The following TUSC3 variants were observed in gnomAD, a reference collection of about 807,000 sequenced individuals.
TUSC3 encodes the protein dolichyl-diphosphooligosaccharide--protein glycosyltransferase subunit TUSC3.
In TUSC3, 45 loss-of-function variants were observed where a neutral mutation model predicts 44.8. The ratio of observed to expected loss-of-function variants is 1.00; its 90% CI spans 0.79 to 1.29. The LOEUF (loss-of-function observed/expected upper bound fraction) is 1.29, where lower values mean the gene tolerates loss of function less well. Ranked by LOEUF, TUSC3 falls within the 50% of genes most tolerant of loss-of-function variation. The pLI, the probability that TUSC3 is intolerant of heterozygous loss-of-function variation, is 0.00. For synonymous variants in TUSC3, 212 were observed against 152.9 expected, an observed-to-expected ratio of 1.39 and a Z score of -2.85; for missense variants, 519 against 437.9, an observed-to-expected ratio of 1.19 and a Z score of -1.65.
At chr8:15,503,653 A>G (rs1002422488) in intron 2 of TUSC3, among the ~76,000 whole-genome samples, 6 of 152,070 alleles carry the variant, frequency 3.9e-5, no homozygotes, top group African/African-American at 1.4e-4. Flanking sequence ...GCAGTAAGCT[A>G]CGTTCGTACC....
rs2129157519 is a variant in TUSC3 at position 15,607,928 on chromosome 8, C to G, written c.139-15152C>G. On this transcript the variant is annotated intron_variant, in intron 1 of 10. Transcript: ENST00000503731. ...CTAGTTATGGAACGTAATGAAGTGT[C>G]ATATCTTGAATGCCCATATAATTTA... 2.0e-5 allele frequency among the ~76,000 whole-genome samples: 3 copies of G among 152,196 alleles called. 1 individual carries two copies. In the Middle Eastern group the frequency reaches 0.01, roughly 518 times the overall value.
At chr8:15,540,153 G>A (rs1199936664), upstream of TUSC3, 5 of 406,252 alleles carry the variant, frequency 1.2e-5, no homozygotes, top group African/African-American at 2.1e-5. Context: ...GGCAAGCTCC[G>A]GGCGGGAGCG....
Position 15,550,905 on chromosome 8 carries a change from C to T in TUSC3, c.138+10337C>T, listed in dbSNP as rs547049186. On this transcript the variant is annotated intron_variant, in intron 1 of 10. Coordinates refer to ENST00000503731, the MANE Select transcript of TUSC3 (RefSeq NM_006765.4). ...CATGCTGGCCTTAAATTCCTAACCT[C>T]GGGTGATCTGCCCGCCTCGGCCTCC... Among the ~76,000 whole-genome samples, 18 of 151,790 alleles carry T rather than the reference C, an allele frequency of 1.2e-4. 2 individuals are homozygous for T. In the South Asian group the frequency reaches 2.9e-3, roughly 25 times the overall value.
chr8:15,500,859 C>T (rs1170408206), intron 2 of TUSC3, among the ~76,000 whole-genome samples: 2 of 152,154 alleles, frequency 1.3e-5, no homozygotes. Flanking sequence ...AGTTTTCTTT[C>T]TTTCAACTGG....
intron 1 of TUSC3, among the ~76,000 whole-genome samples, chr8:15,541,307 GTAAGTTC>G (rs1355841997): frequency 6.6e-6 from 1 of 152,228 alleles, no homozygotes; most frequent in Non-Finnish European, 1.5e-5. Context: ...TGGAGTGTTT[GTAAGTTC>G]TAATTATCCA....
intron 6 of TUSC3, among the ~76,000 whole-genome samples, chr8:15,696,576 G>A (rs770821289): frequency 6.6e-6 from 1 of 152,128 alleles, no homozygotes; most frequent in Non-Finnish European, 1.5e-5. Context: ...ACCCCAGAAT[G>A]GTAGATACAG....
At chr8:15,851,365 G>A in the TUSC3 span, among the ~76,000 whole-genome samples, 1 of 152,076 alleles carries the variant, frequency 6.6e-6, no homozygotes, top group African/African-American at 2.4e-5. Flanking sequence ...TGTACAATAG[G>A]TAATTATTTT....
chr8:15,851,229 TAAC>T, the TUSC3 span, among the ~76,000 whole-genome samples: 33 of 152,164 alleles, frequency 2.2e-4, no homozygotes, highest in African/African-American at 6.7e-4. Context: ...GTGAAAATAA[TAAC>T]AATAATTTAT....
At chr8:15,739,833 T>G (rs1478345112) in intron 7 of TUSC3, among the ~76,000 whole-genome samples, 1 of 152,202 alleles carries the variant, frequency 6.6e-6, no homozygotes, top group Admixed American at 6.5e-5. Flanking sequence ...CTTCATTACT[T>G]TTGTGCTTTT....
chr8:15,606,286 C>G (rs552003574), intron 1 of TUSC3, among the ~76,000 whole-genome samples: 34 of 152,008 alleles, frequency 2.2e-4, no homozygotes, highest in African/African-American at 7.7e-4. Context: ...TGTATTTTGT[C>G]CTATGATTTC....
chr8:15,732,264 G>A (rs913562708), intron 7 of TUSC3, among the ~76,000 whole-genome samples: 1 of 152,132 alleles, frequency 6.6e-6, no homozygotes, highest in African/African-American at 2.4e-5. Flanking sequence ...GTCATGGGAG[G>A]GATCCAGTGG....
chr8:15,562,620 C>T (rs1227546753), intron 1 of TUSC3, among the ~76,000 whole-genome samples: 1 of 152,068 alleles, frequency 6.6e-6, no homozygotes, highest in Non-Finnish European at 1.5e-5. Context: ...TTTTCTGAAT[C>T]TCTGGGTCCT....
chr8:15,792,616 TTTTG>T, the TUSC3 span, among the ~76,000 whole-genome samples: 6 of 152,096 alleles, frequency 3.9e-5, no homozygotes, highest in Admixed American at 6.5e-5. Flanking sequence ...CTTTTCGTTT[TTTTG>T]TTTGTTTCTT....
intron 2 of TUSC3, among the ~76,000 whole-genome samples, chr8:15,522,105 C>G (rs890253769): frequency 4.6e-5 from 7 of 152,162 alleles, no homozygotes; most frequent in African/African-American, 1.7e-4. Flanking sequence ...TTACAGTAGA[C>G]TATTGTTGTG....
chr8:15,793,251 C>T, the TUSC3 span, among the ~76,000 whole-genome samples: 4 of 152,170 alleles, frequency 2.6e-5, no homozygotes, highest in Admixed American at 6.5e-5. Flanking sequence ...ACTATGGAAA[C>T]TCTGCTGCTT....
At chr8:15,521,415 C>T (rs998346622) in intron 2 of TUSC3, among the ~76,000 whole-genome samples, 2 of 152,066 alleles carry the variant, frequency 1.3e-5, no homozygotes, top group Non-Finnish European at 2.9e-5. Flanking sequence ...AGAGAAAAGG[C>T]ACATCCTTTA....
chr8:15,770,824 G>A (rs1467627205), downstream of TUSC3, among the ~76,000 whole-genome samples: 2 of 152,082 alleles, frequency 1.3e-5, no homozygotes, highest in Middle Eastern at 3.2e-3. Flanking sequence ...AGTCCCAGAA[G>A]AGAGAGGAAA....
intron 1 of TUSC3, among the ~76,000 whole-genome samples, chr8:15,602,685 TGTGTG>T (rs1804340475): frequency 2.0e-5 from 3 of 151,060 alleles, no homozygotes; most frequent in African/African-American, 7.3e-5. Context: ...TGTGTGTGTG[TGTGTG>T]TGTGTGTATA....
chr8:15,583,129 A>G lies in TUSC3; in HGVS notation c.139-39951A>G, dbSNP rs56931921. Among the ~76,000 whole-genome samples the G allele has an allele frequency of 3.6e-3, 546 of 152,310 alleles. 8 individuals carry two copies. The East Asian group carries it at 0.039, about 11-fold the overall frequency. On this transcript the variant is annotated intron_variant, in intron 1 of 10. Transcript: ENST00000503731. The stretch of plus-strand genomic sequence containing the variant: ...AATTACCCCATGGCAATAAGAATAA[A>G]CTAGAACTGTTCTAAACAAATCTAA...
Sources: allele counts gnomAD v4.1 joint callset (sites outside exome capture counted in the v4.1 genomes callset), GRCh38; gene constraint gnomAD v4.1.1; transcripts MANE v1.5; gene names NCBI Gene and HGNC (gene_info 2026-07-23, HGNC 2026-07-21).